SPECC1: variants seen among roughly 807,000 people sequenced by gnomAD.
SPECC1 encodes the protein cytospin-B.
SPECC1 carries 62 observed loss-of-function variants against 104.1 expected under a neutral mutation model. That is an observed-to-expected ratio of 0.60 (90% CI 0.49 to 0.74). SPECC1 has a LOEUF of 0.74. Among genes scored for constraint, SPECC1 ranks in the 30% least tolerant of loss-of-function variants. The pLI, the probability that SPECC1 is intolerant of heterozygous loss-of-function variation, is 0.00. For missense variants in SPECC1, 1,306 were observed against 1,310.5 expected (o/e 1.00, Z 0.05); for synonymous variants, 513 against 501.6 (o/e 1.02, Z -0.30).
intron 1 of SPECC1, among the ~76,000 whole-genome samples, chr17:20,054,047 C>A (rs1039843011): frequency 1.3e-5 from 2 of 152,166 alleles, no homozygotes; most frequent in Non-Finnish European, 2.9e-5. Flanking sequence ...TTGATTCAGC[C>A]TGTTCTGATT....
rs568684037 is a variant in SPECC1, at chr17:20,301,737, A to C, written c.3058-4286A>C. Among the ~76,000 whole-genome samples, 5 of 152,020 alleles carry C rather than the reference A, an allele frequency of 3.3e-5. No individual in the cohort carries two copies. In the East Asian group the frequency reaches 9.7e-4, roughly 29 times the overall value. ...TGTTGCTGTTTTGAGACAGAGTCTC[A>C]CTCTGTCACCCAGGCTGGAGCGCAG... is the stretch of plus-strand genomic sequence containing the variant. On this transcript the variant is annotated intron_variant, in intron 13 of 14. Coordinates refer to ENST00000395527, the MANE Select transcript of SPECC1 (RefSeq NM_001243439.2).
intron 1 of SPECC1, among the ~76,000 whole-genome samples, chr17:20,016,963 A>C (rs1410488363): frequency 1.3e-5 from 2 of 152,208 alleles, no homozygotes; most frequent in African/African-American, 2.4e-5. Flanking sequence ...CCCTGTGTCT[A>C]GCTCAGGGAT....
chr17:20,140,730 T>C (rs1250445612), intron 3 of SPECC1, among the ~76,000 whole-genome samples: 1 of 152,106 alleles, frequency 6.6e-6, no homozygotes, highest in Non-Finnish European at 1.5e-5. Flanking sequence ...ATGGGGTGCA[T>C]TGGTTATTTT....
At chr17:20,199,987 T>G (rs956963030) in intron 3 of SPECC1, among the ~76,000 whole-genome samples, 2 of 152,150 alleles carry the variant, frequency 1.3e-5, no homozygotes, top group Non-Finnish European at 1.5e-5. Flanking sequence ...GAGATGGGGT[T>G]TCACCACGTT....
At chr17:20,043,052 G>A (rs190478892) in intron 1 of SPECC1, among the ~76,000 whole-genome samples, 1 of 152,324 alleles carries the variant, frequency 6.6e-6, no homozygotes. Flanking sequence ...ATGAAACTGA[G>A]TTTTCTTTGG....
At chr17:20,140,266 GTTGA>G (rs895233723) in intron 3 of SPECC1, among the ~76,000 whole-genome samples, 1 of 152,152 alleles carries the variant, frequency 6.6e-6, no homozygotes, top group Non-Finnish European at 1.5e-5. Context: ...CAGTGGTCTT[GTTGA>G]TTGAAGTTTT....
chr17:20,230,696 T>C (rs1402074202), intron 5 of SPECC1, among the ~76,000 whole-genome samples: 1 of 152,234 alleles, frequency 6.6e-6, no homozygotes, highest in Non-Finnish European at 1.5e-5. Context: ...AGCCATCTTT[T>C]GAAAAACTTT....
intron 2 of SPECC1, among the ~76,000 whole-genome samples, chr17:20,104,822 T>C (rs2152515839): frequency 6.6e-6 from 1 of 151,604 alleles, no homozygotes; most frequent in South Asian, 2.1e-4. Flanking sequence ...TCCAAACCTT[T>C]CCAGGGCTCC....
At chr17:20,227,034 A>G (rs2038259806) in intron 4 of SPECC1, among the ~76,000 whole-genome samples, 1 of 132,608 alleles carries the variant, frequency 7.5e-6, no homozygotes, top group Non-Finnish European at 1.7e-5. Context: ...CTCCCAGGGA[A>G]GCACTGCTCT....
At chr17:20,169,172 A>G (rs1043474802) in intron 3 of SPECC1, among the ~76,000 whole-genome samples, 4 of 152,182 alleles carry the variant, frequency 2.6e-5, no homozygotes, top group Admixed American at 2.0e-4. Context: ...TCTGGCCACA[A>G]TGGTTTGTTA....
intron 3 of SPECC1, among the ~76,000 whole-genome samples, chr17:20,121,270 C>T (rs1244983348): frequency 6.6e-6 from 1 of 152,134 alleles, no homozygotes; most frequent in African/African-American, 2.4e-5. Flanking sequence ...GTGCCCACCA[C>T]AGGTTTCCAT....
intron 3 of SPECC1, among the ~76,000 whole-genome samples, chr17:20,142,541 A>T (rs1158254343): frequency 6.6e-6 from 1 of 152,224 alleles, no homozygotes; most frequent in Non-Finnish European, 1.5e-5. Flanking sequence ...CCTCAAAGAC[A>T]TTATGCTGAG....
intron 3 of SPECC1, among the ~76,000 whole-genome samples, chr17:20,123,070 AG>A (rs2049115297): frequency 6.6e-6 from 1 of 152,182 alleles, no homozygotes; most frequent in Admixed American, 6.5e-5. Flanking sequence ...TCATGTTAGC[AG>A]TGGGATGAGT....
intron 3 of SPECC1, among the ~76,000 whole-genome samples, chr17:20,179,015 T>C (rs1007562802): frequency 2.0e-5 from 3 of 152,264 alleles, no homozygotes; most frequent in Non-Finnish European, 2.9e-5. Context: ...GTATGGATTA[T>C]TGACTCTAAG....
chr17:20,062,978 G>T (rs1321767791), intron 1 of SPECC1, among the ~76,000 whole-genome samples: 1 of 152,028 alleles, frequency 6.6e-6, no homozygotes, highest in Non-Finnish European at 1.5e-5. Context: ...ATAAGCCACC[G>T]TGCCCAGCCA....
At chr17:20,200,253 G>A (rs1364388443) in intron 3 of SPECC1, among the ~76,000 whole-genome samples, 1 of 152,094 alleles carries the variant, frequency 6.6e-6, no homozygotes, top group Non-Finnish European at 1.5e-5. Flanking sequence ...AATATCATGT[G>A]TTCTGTTATA....
intron 1 of SPECC1, among the ~76,000 whole-genome samples, chr17:20,090,675 A>C (rs1349870284): frequency 6.6e-6 from 1 of 151,742 alleles, no homozygotes; most frequent in Non-Finnish European, 1.5e-5. Flanking sequence ...CTTTGATGGA[A>C]GCCATGTTAC....
intron 3 of SPECC1, 25 bp from the exon 4 acceptor site, chr17:20,204,306 TCA>T: frequency 1.3e-6 from 2 of 1,581,882 alleles, no homozygotes; most frequent in Non-Finnish European, 1.7e-6. Flanking sequence ...CTTTATTTTT[TCA>T]TTTTTTTCTT....
intron 3 of SPECC1, among the ~76,000 whole-genome samples, chr17:20,149,692 G>C (rs913039554): frequency 6.6e-6 from 1 of 152,178 alleles, no homozygotes; most frequent in Non-Finnish European, 1.5e-5. Flanking sequence ...ACTGTGTGCT[G>C]AGTCTTGTGA....
Sources: gnomAD v4.1 joint callset for allele counts (sites outside exome capture counted in the v4.1 genomes callset) on GRCh38, gnomAD v4.1.1 for gene constraint, MANE v1.5 for transcripts, NCBI Gene and HGNC (gene_info 2026-07-23, HGNC 2026-07-21) for gene names.